CAST: variants seen among roughly 807,000 people sequenced by gnomAD.
CAST encodes the protein calpastatin.
Under a neutral mutation model 119.6 loss-of-function variants are expected in CAST, and 76 were observed. The ratio of observed to expected loss-of-function variants is 0.64; its 90% CI spans 0.53 to 0.77. The LOEUF (loss-of-function observed/expected upper bound fraction) is 0.77, where lower values mean the gene tolerates loss of function less well. Among genes scored for constraint, CAST ranks in the 30% least tolerant of loss-of-function variants. The pLI is 0.00. For synonymous variants in CAST, 319 were observed against 331.6 expected, an observed-to-expected ratio of 0.96 and a Z score of 0.41; for missense variants, 953 against 946.5, an observed-to-expected ratio of 1.01 and a Z score of -0.09.
At chr5:96,555,763 G>A (rs1561415129) in intron 1 of CAST, among the ~76,000 whole-genome samples, 1 of 152,230 alleles carries the variant, frequency 6.6e-6, no homozygotes, top group Non-Finnish European at 1.5e-5. Flanking sequence ...ACAGCTCAAG[G>A]AGGCCTGCCT....
At chr5:96,706,017 C>T (rs1754896170) in intron 3 of CAST, among the ~76,000 whole-genome samples, 1 of 152,150 alleles carries the variant, frequency 6.6e-6, no homozygotes, top group Non-Finnish European at 1.5e-5. Context: ...TACCATGAGC[C>T]CCTTAAAGAC....
intron 21 of CAST, 51 bp downstream of exon 21, chr5:96,754,212 T>C: frequency 9.4e-7 from 1 of 1,059,388 alleles, no homozygotes; most frequent in Non-Finnish European, 1.5e-6. Flanking sequence ...GATCACCTTC[T>C]CCCCCTGCAA....
At chr5:96,300,242 AT>A in the CAST span, among the ~76,000 whole-genome samples, 1 of 152,124 alleles carries the variant, frequency 6.6e-6, no homozygotes, top group Non-Finnish European at 1.5e-5. Flanking sequence ...CAAGTCTTAT[AT>A]TTAAGTCTTT....
At chr5:96,456,960 C>A in the CAST span, among the ~76,000 whole-genome samples, 1 of 152,290 alleles carries the variant, frequency 6.6e-6, no homozygotes, top group Admixed American at 6.5e-5. Flanking sequence ...GTTTGCTTCC[C>A]CTTCTGCCAT....
the CAST span, among the ~76,000 whole-genome samples, chr5:96,054,461 G>A: frequency 1.3e-5 from 2 of 151,852 alleles, no homozygotes; most frequent in African/African-American, 4.8e-5. Flanking sequence ...TTTATTTTCT[G>A]TAAGTCTTAT....
chr5:96,169,968 G>C, the CAST span, among the ~76,000 whole-genome samples: 13 of 152,234 alleles, frequency 8.5e-5, no homozygotes, highest in South Asian at 1.9e-3. Flanking sequence ...AAGCCTGGCC[G>C]TCAATACCCA....
chr5:96,703,689 CCT>C (rs1218650279), intron 3 of CAST, among the ~76,000 whole-genome samples: 1 of 152,062 alleles, frequency 6.6e-6, no homozygotes, highest in Non-Finnish European at 1.5e-5. Flanking sequence ...GACTTTGGGG[CCT>C]CTCTAGTTTT....
At chr5:96,526,719 C>T (rs537196569), upstream of CAST, among the ~76,000 whole-genome samples, 2 of 152,284 alleles carry the variant, frequency 1.3e-5, no homozygotes, top group Non-Finnish European at 2.9e-5. Context: ...CAACACTGGA[C>T]CCCAGGTTGC....
At chr5:96,297,082 A>G in the CAST span, among the ~76,000 whole-genome samples, 1 of 152,170 alleles carries the variant, frequency 6.6e-6, no homozygotes, top group Non-Finnish European at 1.5e-5. Flanking sequence ...ATTCTCTTAG[A>G]AAGATTTTAA....
At chr5:96,502,207 A>G in the CAST span, among the ~76,000 whole-genome samples, 1 of 152,198 alleles carries the variant, frequency 6.6e-6, no homozygotes, top group African/African-American at 2.4e-5. Context: ...CTTCCATCAA[A>G]TAAAAATAAC....
At chr5:96,058,936 A>T in the CAST span, among the ~76,000 whole-genome samples, 1 of 152,120 alleles carries the variant, frequency 6.6e-6, no homozygotes, top group Non-Finnish European at 1.5e-5. Flanking sequence ...CCCAGAAAAG[A>T]TTACATTTTC....
At chr5:96,608,987 G>A (rs988934778) in intron 1 of CAST, among the ~76,000 whole-genome samples, 2 of 152,114 alleles carry the variant, frequency 1.3e-5, no homozygotes, top group Non-Finnish European at 2.9e-5. Flanking sequence ...ACAATTCAAC[G>A]TGAGATTTGA....
chr5:96,113,080 G>GAA, the CAST span, among the ~76,000 whole-genome samples: 3 of 152,292 alleles, frequency 2.0e-5, no homozygotes, highest in South Asian at 4.1e-4. Context: ...AAGTACCAAA[G>GAA]AAAGTCTTAA....
At chr5:96,227,989 C>T in the CAST span, among the ~76,000 whole-genome samples, 10 of 141,356 alleles carry the variant, frequency 7.1e-5, no homozygotes, top group Non-Finnish European at 1.2e-4. Context: ...TTTGTAGTCT[C>T]CCTCTTTCTC....
chr5:96,564,894 G>A (rs1356807571), intron 1 of CAST, among the ~76,000 whole-genome samples: 6 of 152,180 alleles, frequency 3.9e-5, no homozygotes, highest in African/African-American at 1.4e-4. Context: ...GGATGACTGA[G>A]TGAGACCCTG....
chr5:96,304,764 G>T, the CAST span, among the ~76,000 whole-genome samples: 49 of 152,114 alleles, frequency 3.2e-4, no homozygotes, highest in Non-Finnish European at 7.1e-4. Context: ...GGTTGTAGAC[G>T]TGTGGTGTTA....
the CAST span, among the ~76,000 whole-genome samples, chr5:96,476,584 G>A: frequency 0.35 from 52,799 of 151,888 alleles, 10,214 homozygotes; most frequent in African/African-American, 0.51. Context: ...CACATGAAAC[G>A]TTCTTAAATG....
rs1435044349 is a variant in CAST, at chr5:96,556,359, A to G, written c.60+26479A>G. ...CCAGCAACAGAACAAAGCTGGACGG[A>G]GAATGACTTTGACGAGTTGAGAGAA... On this transcript the variant is annotated intron_variant, in intron 1 of 11. Transcript: ENST00000505143. 2.2e-4 allele frequency among the ~76,000 whole-genome samples: 34 copies of G among 152,382 alleles called. No individual in the cohort carries two copies. The East Asian group carries it at 5.6e-3, about 25-fold the overall frequency.
upstream of CAST, among the ~76,000 whole-genome samples, chr5:96,657,479 A>G (rs1748180690): frequency 6.6e-6 from 1 of 152,216 alleles, no homozygotes; most frequent in Non-Finnish European, 1.5e-5. Context: ...AGGTTAGGAT[A>G]TATAGAAAGG....
Sources: allele counts gnomAD v4.1 joint callset (sites outside exome capture counted in the v4.1 genomes callset), GRCh38; gene constraint gnomAD v4.1.1; transcripts MANE v1.5; gene names NCBI Gene and HGNC (gene_info 2026-07-23, HGNC 2026-07-21).